The following CDC42EP4 variants were observed in gnomAD, a reference collection of about 807,000 sequenced individuals.
CDC42EP4 encodes the protein CDC42 effector protein 4.
CDC42EP4 carries 6 observed loss-of-function variants against 5.6 expected under a neutral mutation model. The observed-to-expected ratio is 1.07, with a 90% CI of 0.59 to 2.12. The LOEUF (loss-of-function observed/expected upper bound fraction) is 2.12, where lower values mean the gene tolerates loss of function less well. Among genes scored for constraint, CDC42EP4 ranks in the 30% most tolerant of loss-of-function variants. The probability of loss-of-function intolerance (pLI) is 0.00; values close to 1 mark genes in which losing one functional copy is unlikely to be tolerated. For synonymous variants in CDC42EP4, 230 were observed against 224.2 expected (o/e 1.03, Z -0.23); for missense variants, 490 against 508.6 (o/e 0.96, Z 0.35).
At position 73,286,524 on chromosome 17, in the gene CDC42EP4, G is replaced by A. The variant is rs1372697860; in HGVS notation, c.-24C>T. The stretch of plus-strand genomic sequence containing the variant: ...ATCTTGCTGGATGGGCGGGGAGGTG[G>A]GCCCTCCCGAGGTAGCCGGCAGGTC... On this transcript the variant is annotated 5_prime_UTR_variant, in exon 2 of 2. Coordinates refer to ENST00000335793, the MANE Select transcript of CDC42EP4 (RefSeq NM_012121.5). The surrounding 1 kb of genome is among the most constrained non-coding windows in gnomAD (Gnocchi z 7.7). 2 of 1,548,554 alleles carry A rather than the reference G, an allele frequency of 1.3e-6. No homozygotes were observed. Among genetic ancestry groups the A allele is most frequent in the African/African-American group, 1.4e-5 (1 of 73,674 alleles).
chr17:73,285,689 G>C lies in CDC42EP4; in HGVS notation c.812C>G (p.Pro271Arg). ...ATGGGAGGGGAGGGAGGGCAAGTCT[G>C]GGCCAGCCTTGCCTTCCTGCCTTGC... ...PLARQEGKAG[P>R]DLPSLPSHAL... Residue 271 changes from proline to arginine, a missense_variant, in exon 2 of 2, where the codon CCA becomes CGA. By Grantham distance (103) the Pro-to-Arg change is moderately radical. Coordinates refer to ENST00000335793, the MANE Select transcript of CDC42EP4 (RefSeq NM_012121.5). This position sits in a 1 kb window ranked among gnomAD's most constrained non-coding sequence, Gnocchi z 6.8. 1 of 1,572,406 alleles carries C rather than the reference G, an allele frequency of 6.4e-7. No individual in the cohort carries two copies. Among genetic ancestry groups the C allele is most frequent in the Non-Finnish European group, 8.7e-7 (1 of 1,154,378 alleles).
At chr17:73,297,153 G>T (rs1432901597) in intron 1 of CDC42EP4, among the ~76,000 whole-genome samples, 1 of 117,446 alleles carries the variant, frequency 8.5e-6, no homozygotes, top group Non-Finnish European at 2.0e-5. Flanking sequence ...AATTAGCCAG[G>T]TGTGGTGGCA....
intron 1 of CDC42EP4, among the ~76,000 whole-genome samples, chr17:73,307,913 TG>T (rs1234241702): frequency 1.3e-5 from 2 of 151,882 alleles, no homozygotes; most frequent in Non-Finnish European, 2.9e-5. Context: ...GGCTAATTTT[TG>T]TATTTTTAGT....
rs755177072 is a variant in CDC42EP4 at position 73,285,565 on chromosome 17, G to A, written c.936C>T (p.Ser312=). The A allele has an allele frequency of 6.2e-7, 1 of 1,612,070 alleles. No individual in the cohort carries two copies. Residue 312 remains serine, a synonymous_variant, in exon 2 of 2, where the codon AGC becomes AGT. Transcript: ENST00000335793. The surrounding 1 kb of genome is among the most constrained non-coding windows in gnomAD (Gnocchi z 6.8). ...HTTRDSSSLS[S]CTSGILEERS... is the part of the protein sequence containing the mutation. ...GCTCCTCCAGGATGCCTGAGGTGCA[G>A]CTGGAGAGGGAGCTGCTGTCCCGTG...
At chr17:73,293,976 T>C (rs559656837) in intron 1 of CDC42EP4, among the ~76,000 whole-genome samples, 1 of 152,338 alleles carries the variant, frequency 6.6e-6, no homozygotes, top group South Asian at 2.1e-4. Flanking sequence ...CAAAAGCCCT[T>C]GCATCTGGAA....
chr17:73,303,448 A>G lies in CDC42EP4; in HGVS notation c.-113+8445T>C, dbSNP rs60322719. Among the ~76,000 whole-genome samples the G allele has an allele frequency of 8.0e-3, 1,223 of 152,164 alleles. 18 individuals carry two copies. The highest frequency in any genetic ancestry group is 0.027 in the African/African-American group (1,141 of 41,526). On this transcript the variant is annotated intron_variant, in intron 1 of 1. Coordinates refer to ENST00000335793, the MANE Select transcript of CDC42EP4 (RefSeq NM_012121.5). ...AGGCCGAGGAGTATGGATCACTTGA[A>G]GTCAGGGGTTCAACCCCAGCCTGGC...
At chr17:73,307,001 G>A (rs931781373) in intron 1 of CDC42EP4, 1 of 152,282 alleles carries the variant, frequency 6.6e-6, no homozygotes, top group Non-Finnish European at 1.5e-5. Context: ...GAAGATGGTG[G>A]CTGAAGCAGC....
intron 1 of CDC42EP4, among the ~76,000 whole-genome samples, chr17:73,292,829 G>A (rs979868555): frequency 1.3e-5 from 2 of 152,222 alleles, no homozygotes; most frequent in Non-Finnish European, 2.9e-5. Context: ...GCCACATAAA[G>A]AGTTCTGTTT....
At chr17:73,305,886 G>T (rs1464032435) in intron 1 of CDC42EP4, among the ~76,000 whole-genome samples, 1 of 152,168 alleles carries the variant, frequency 6.6e-6, no homozygotes. Flanking sequence ...AGTCCTGGGG[G>T]TTCCCAGGAT....
intron 1 of CDC42EP4, among the ~76,000 whole-genome samples, chr17:73,304,172 T>A (rs757738764): frequency 6.6e-6 from 1 of 152,178 alleles, no homozygotes; most frequent in South Asian, 2.1e-4. Flanking sequence ...CCACATGTCA[T>A]GGAGAAAATA....
At chr17:73,297,653 T>G (rs144042613) in intron 1 of CDC42EP4, among the ~76,000 whole-genome samples, 341 of 151,572 alleles carry the variant, frequency 2.2e-3, no homozygotes, top group African/African-American at 7.8e-3. Context: ...TTCTTTTTGT[T>G]TATTTATTTA....
intron 1 of CDC42EP4, among the ~76,000 whole-genome samples, chr17:73,299,307 G>A (rs1194020035): frequency 6.6e-6 from 1 of 151,710 alleles, no homozygotes. Flanking sequence ...GTGGGCGCCT[G>A]TAGTCCCAGC....
In CDC42EP4 at chr17:73,304,293, C is replaced by T. The variant is rs1209874976; in HGVS notation, c.-113+7600G>A. Among the ~76,000 whole-genome samples the T allele has an allele frequency of 1.7e-4, 16 of 96,210 alleles. No individual in the cohort carries two copies. The East Asian group carries it at 3.9e-3, about 23-fold the overall frequency. 63.1% of individuals were successfully genotyped at this position (96,210 alleles called of 152,430 possible). A position where few individuals can be genotyped will look rare whatever the true frequency, so the allele number is the denominator to read the frequency against. The stretch of plus-strand genomic sequence containing the variant: ...CTTCTTCTTCTTTTTTTTTTTTTTC[C>T]TGAGAGAGGGTCTTGCTTTGTCCCT... On this transcript the variant is annotated intron_variant, in intron 1 of 1. Transcript: ENST00000335793.
intron 1 of CDC42EP4, among the ~76,000 whole-genome samples, chr17:73,293,858 G>T (rs546258689): frequency 7.2e-5 from 11 of 152,364 alleles, no homozygotes; most frequent in African/African-American, 2.6e-4. Context: ...TGACCGCTTA[G>T]ATACACGTGG....
Position 73,285,190 on chromosome 17 carries a change from C to G in CDC42EP4, c.*240G>C. 2.6e-6 allele frequency: 1 copy of G among 387,462 alleles called. No homozygotes were observed. The highest frequency in any genetic ancestry group is 4.6e-6 in the Non-Finnish European group (1 of 215,558). The allele number at this position is 387,462 out of a possible 1,614,324, so 24.0% of individuals were successfully genotyped here. ...TGCTGTGACAACACAGCCCTTGTCCCACGCAGCCTAAGTGCAGGGAGCATG... is the reference window on the plus strand; with the variant it reads ...TGCTGTGACAACACAGCCCTTGTCCGACGCAGCCTAAGTGCAGGGAGCATG... On this transcript the variant is annotated 3_prime_UTR_variant, in exon 2 of 2. Coordinates refer to ENST00000335793, the MANE Select transcript of CDC42EP4 (RefSeq NM_012121.5). The surrounding 1 kb of genome is among the most constrained non-coding windows in gnomAD (Gnocchi z 6.8).
At chr17:73,287,800 G>T (rs995592431) in intron 1 of CDC42EP4, among the ~76,000 whole-genome samples, 1 of 152,112 alleles carries the variant, frequency 6.6e-6, no homozygotes, top group Non-Finnish European at 1.5e-5. Flanking sequence ...CAGATGCTGG[G>T]TGCTTCCTCC....
At chr17:73,297,154 T>C (rs190775098) in intron 1 of CDC42EP4, among the ~76,000 whole-genome samples, 36,059 of 148,652 alleles carry the variant, frequency 0.24, 4,887 homozygotes, top group Middle Eastern at 0.33. Context: ...ATTAGCCAGG[T>C]GTGGTGGCAG....
At position 73,286,283 on chromosome 17, in the gene CDC42EP4, G is replaced by A. The variant is rs1029485272; in HGVS notation, c.218C>T (p.Ser73Phe). The A allele has an allele frequency of 8.7e-6, 14 of 1,614,248 alleles. No homozygotes were observed. Among genetic ancestry groups the A allele is most frequent in the Non-Finnish European group, 1.1e-5 (13 of 1,180,050 alleles). Reference protein sequence around the residue: ...ESLDEQPSSSSSKRSLLSRKF... With the variant: ...ESLDEQPSSSFSKRSLLSRKF... ...CCTGGACAGGAGACTGCGTTTGGAA[G>A]ATGAAGAAGAGGGCTGTTCGTCCAA... is the stretch of plus-strand genomic sequence containing the variant. Residue 73 changes from serine (S) to phenylalanine (F), a missense_variant, in exon 2 of 2, where the codon TCT becomes TTT. By Grantham distance (155) the Ser-to-Phe change is radical. Transcript: ENST00000335793. This position sits in a 1 kb window ranked among gnomAD's most constrained non-coding sequence, Gnocchi z 7.7.
intron 1 of CDC42EP4, among the ~76,000 whole-genome samples, chr17:73,308,800 C>T (rs953557453): frequency 4.0e-5 from 6 of 151,758 alleles, no homozygotes; most frequent in African/African-American, 1.2e-4. Flanking sequence ...TTGGGGAGGC[C>T]GAGGTGGGTG....
Sources: gnomAD v4.1 joint callset for allele counts (sites outside exome capture counted in the v4.1 genomes callset) on GRCh38, gnomAD v4.1.1 for gene constraint, Gnocchi (gnomAD v3.1) non-coding constraint, MANE v1.5 for transcripts, NCBI Gene and HGNC (gene_info 2026-07-23, HGNC 2026-07-21) for gene names.